Variants in RGS6 observed in about 807,000 individuals in gnomAD.
RGS6 encodes regulator of G-protein signaling 6.
RGS6 carries 30 observed loss-of-function variants against 78.5 expected under a neutral mutation model. The observed-to-expected ratio is 0.38, with a 90% CI of 0.29 to 0.52. RGS6 has a LOEUF of 0.52. Ranked by LOEUF, RGS6 falls within the 20% of genes least tolerant of loss-of-function variation. The pLI is 0.85. For synonymous variants in RGS6, 206 were observed against 206.0 expected (o/e 1.00, Z 0.00); for missense variants, 495 against 609.7 (o/e 0.81, Z 1.98).
rs186791472 is a variant in RGS6 at position 72,182,395 on chromosome 14, G to A, written c.85-169700G>A. Among the ~76,000 whole-genome samples, 278 of 138,670 alleles carry A rather than the reference G, an allele frequency of 2.0e-3. 2 individuals are homozygous for A. The highest frequency in any genetic ancestry group is 6.5e-3 in the African/African-American group (234 of 36,202). The allele number at this position is 138,670 out of a possible 152,430, so 91.0% of individuals were successfully genotyped here. On this transcript the variant is annotated intron_variant, in intron 2 of 17. Coordinates refer to ENST00000553525, the MANE Select transcript of RGS6 (RefSeq NM_001204424.2). ...GCGGAGGTTGCTGTGAGTCGAGATC[G>A]TGCCAAGAGAGACTCCATCTCAAAA...
the RGS6 span, among the ~76,000 whole-genome samples, chr14:71,871,274 C>T: frequency 1.3e-5 from 2 of 152,110 alleles, no homozygotes; most frequent in African/African-American, 4.8e-5. Context: ...GGGGACATCC[C>T]AAACCAGGGC....
chr14:72,562,385 G>T, intron 17 of RGS6, 32 bp from the exon 18 acceptor site: 2 of 1,604,062 alleles, frequency 1.2e-6, no homozygotes, highest in Non-Finnish European at 8.5e-7. Flanking sequence ...GTGTGCGCCT[G>T]TGCGTGCCTC....
intron 2 of RGS6, among the ~76,000 whole-genome samples, chr14:72,058,913 A>AT (rs1350258984): frequency 6.6e-6 from 1 of 151,856 alleles, no homozygotes; most frequent in Non-Finnish European, 1.5e-5. Flanking sequence ...TTTTATTTTT[A>AT]TTTTTTCTGA....
intron 2 of RGS6, among the ~76,000 whole-genome samples, chr14:72,039,573 G>A (rs1188774923): frequency 1.3e-5 from 2 of 152,056 alleles, no homozygotes; most frequent in African/African-American, 2.4e-5. Flanking sequence ...TTCAGCTTAT[G>A]TGTGCCATTA....
At chr14:72,442,652 A>G (rs1456008232) in intron 3 of RGS6, among the ~76,000 whole-genome samples, 2 of 152,244 alleles carry the variant, frequency 1.3e-5, no homozygotes, top group African/African-American at 4.8e-5. Context: ...GCCACAGGAC[A>G]TAGGACTGAA....
At chr14:72,094,322 T>G (rs1018649604) in intron 2 of RGS6, among the ~76,000 whole-genome samples, 1 of 152,236 alleles carries the variant, frequency 6.6e-6, no homozygotes, top group African/African-American at 2.4e-5. Context: ...GGTTTTCATA[T>G]TGTTCTATGT....
chr14:72,035,120 G>T (rs972453084), intron 2 of RGS6, among the ~76,000 whole-genome samples: 1 of 152,122 alleles, frequency 6.6e-6, no homozygotes, highest in African/African-American at 2.4e-5. Context: ...GTACTATTCA[G>T]GGTTTCAGGC....
intron 3 of RGS6, among the ~76,000 whole-genome samples, chr14:72,438,552 T>TA (rs2095047186): frequency 6.6e-6 from 1 of 152,210 alleles, no homozygotes; most frequent in African/African-American, 2.4e-5. Context: ...CCCAACTAGT[T>TA]AAGCTAGAAA....
rs191504806 is a variant in RGS6 at position 72,236,985 on chromosome 14, C to T, written c.85-115110C>T. 2.6e-4 allele frequency among the ~76,000 whole-genome samples: 40 copies of T among 152,276 alleles called. No individual in the cohort carries two copies. The East Asian group carries it at 4.8e-3, about 18-fold the overall frequency. ...CCAGTCGATTTCCACCCTACGTGCA[C>T]GCAGAGGGAACCCATGTTCTGATTT... is the stretch of plus-strand genomic sequence containing the variant. On this transcript the variant is annotated intron_variant, in intron 2 of 17. Transcript: ENST00000553525.
intron 2 of RGS6, among the ~76,000 whole-genome samples, chr14:72,339,863 T>A (rs908644415): frequency 2.6e-5 from 4 of 152,192 alleles, no homozygotes; most frequent in Non-Finnish European, 4.4e-5. Context: ...AGGTTTGTCC[T>A]GGGACCCCCT....
Position 71,933,549 on chromosome 14 carries a change from T to C in RGS6, c.-21+608T>C, listed in dbSNP as rs2088288643. On this transcript the variant is annotated intron_variant, in intron 1 of 17. Transcript: ENST00000553525. Reference sequence around the variant, plus strand: ...ACCGTGTTTACAGTCACCAGCAGGCTGCGTAAAGAAGTGGCCCAGTGAGAC... The same window carrying C: ...ACCGTGTTTACAGTCACCAGCAGGCCGCGTAAAGAAGTGGCCCAGTGAGAC... Among the ~76,000 whole-genome samples the C allele has an allele frequency of 4.6e-5, 7 of 152,158 alleles. No individual in the cohort carries two copies. In the South Asian group the frequency reaches 1.4e-3, roughly 32 times the overall value.
the RGS6 span, among the ~76,000 whole-genome samples, chr14:72,614,291 C>T: frequency 2.0e-5 from 3 of 152,194 alleles, no homozygotes; most frequent in African/African-American, 7.2e-5. Flanking sequence ...ATTCATAGGC[C>T]TGAGGCAAAT....
At chr14:72,064,767 A>G (rs887061973) in intron 2 of RGS6, among the ~76,000 whole-genome samples, 3 of 152,232 alleles carry the variant, frequency 2.0e-5, no homozygotes, top group Admixed American at 6.5e-5. Flanking sequence ...GATGTCATCT[A>G]TTTGGTTGCT....
At chr14:71,903,568 C>A in the RGS6 span, among the ~76,000 whole-genome samples, 1 of 152,176 alleles carries the variant, frequency 6.6e-6, no homozygotes, top group Non-Finnish European at 1.5e-5. Flanking sequence ...TGGGGTTAGT[C>A]AGACAGTCAT....
chr14:71,932,073 G>T (rs551680478), upstream of RGS6, among the ~76,000 whole-genome samples: 5 of 152,334 alleles, frequency 3.3e-5, no homozygotes, highest in Non-Finnish European at 7.4e-5. Context: ...TGACGCCGCT[G>T]AAGTTTCCGG....
chr14:72,100,510 G>T (rs1416098119), intron 2 of RGS6, among the ~76,000 whole-genome samples: 1 of 151,932 alleles, frequency 6.6e-6, no homozygotes, highest in Non-Finnish European at 1.5e-5. Flanking sequence ...ACCAAAAAAA[G>T]GTAGAAAGAA....
the RGS6 span, chr14:72,612,475 T>A: frequency 3.9e-6 from 2 of 518,856 alleles, no homozygotes; most frequent in African/African-American, 3.9e-5. Context: ...CAACTACATG[T>A]TGAAAATGTG....
intron 2 of RGS6, among the ~76,000 whole-genome samples, chr14:72,267,094 C>T (rs932394024): frequency 1.3e-5 from 2 of 152,168 alleles, no homozygotes; most frequent in Admixed American, 6.5e-5. Flanking sequence ...CTCTGCCTCA[C>T]TAGTTCAAAT....
intron 2 of RGS6, among the ~76,000 whole-genome samples, chr14:72,235,789 G>A (rs6574055): frequency 0.42 from 63,594 of 152,090 alleles, 14,012 homozygotes; most frequent in East Asian, 0.59. Context: ...ATAACCCACA[G>A]CATTCTAACT....
Sources: gnomAD v4.1 joint callset for allele counts (sites outside exome capture counted in the v4.1 genomes callset) on GRCh38, gnomAD v4.1.1 for gene constraint, MANE v1.5 for transcripts, NCBI Gene and HGNC (gene_info 2026-07-23, HGNC 2026-07-21) for gene names.